SMARCA1: variants seen among roughly 807,000 people sequenced by gnomAD.
SMARCA1 encodes the protein SWI/SNF-related matrix-associated actin-dependent regulator of chromatin subfamily A member 1.
SMARCA1 carries 17 observed loss-of-function variants against 93.6 expected under a neutral mutation model. That is an observed-to-expected ratio of 0.18 (90% CI 0.12 to 0.27). SMARCA1 has a LOEUF of 0.27. Among genes scored for constraint, SMARCA1 ranks in the 10% least tolerant of loss-of-function variants. The pLI is 1.00. For synonymous variants in SMARCA1, 271 were observed against 271.4 expected (o/e 1.00, Z 0.01); for missense variants, 630 against 819.0 (o/e 0.77, Z 2.82).
chrX:129,510,521 T>G (rs2124331546), intron 6 of SMARCA1, among the ~76,000 whole-genome samples: 2 of 111,730 alleles, frequency 1.8e-5, no homozygotes, highest in East Asian at 5.6e-4. Flanking sequence ...TGAGCTATGA[T>G]CACATCACTG....
At chrX:129,499,905 T>C in intron 9 of SMARCA1, 64 bp from the exon 10 acceptor site, 3 of 522,507 alleles carry the variant, frequency 5.7e-6, no homozygotes, top group Non-Finnish European at 9.4e-6. Flanking sequence ...ATGTATTTCA[T>C]TAACAACATT....
chrX:129,463,169 T>C (rs1932835347), intron 23 of SMARCA1, among the ~76,000 whole-genome samples: 1 of 111,717 alleles, frequency 9.0e-6, no homozygotes, highest in African/African-American at 3.2e-5. Context: ...AAAGGGTATG[T>C]ATATTCTAAA....
chrX:129,452,387 A>C (rs1016568327), intron 23 of SMARCA1, among the ~76,000 whole-genome samples: 1 of 112,540 alleles, frequency 8.9e-6, no homozygotes, highest in Non-Finnish European at 1.9e-5. Flanking sequence ...ACAAGAGGAA[A>C]AGAGGAGATG....
At chrX:129,454,475 C>T (rs1012600066) in intron 23 of SMARCA1, among the ~76,000 whole-genome samples, 51 of 111,546 alleles carry the variant, frequency 4.6e-4, no homozygotes, top group Admixed American at 2.9e-3. Flanking sequence ...TTCTACACAG[C>T]AAAAGAAACT....
At chrX:129,494,390 G>A (rs972160537) in intron 12 of SMARCA1, among the ~76,000 whole-genome samples, 2 of 111,568 alleles carry the variant, frequency 1.8e-5, no homozygotes, top group African/African-American at 3.3e-5. Flanking sequence ...TATAGCACAC[G>A]GAATAGTGTA....
At chrX:129,486,835 T>TGATGAC (rs749662735) in intron 17 of SMARCA1, among the ~76,000 whole-genome samples, 183 bp downstream of exon 17, 4,610 of 109,860 alleles carry the variant, frequency 0.042, 246 homozygotes, top group African/African-American at 0.13. Context: ...ATGATGATGA[T>TGATGAC]GACGACGACG....
intron 19 of SMARCA1, among the ~76,000 whole-genome samples, chrX:129,478,479 C>T (rs12853276): frequency 0.097 from 10,747 of 111,193 alleles, 503 homozygotes; most frequent in East Asian, 0.35. Context: ...TCATCCCTTT[C>T]CTCTATTCTT....
intron 23 of SMARCA1, among the ~76,000 whole-genome samples, chrX:129,455,167 G>T (rs185456613): frequency 9.1e-4 from 102 of 111,594 alleles, no homozygotes; most frequent in African/African-American, 2.9e-3. Context: ...TATGTTTATT[G>T]CAGCACTTTT....
At chrX:129,475,195 C>T (rs908332202) in intron 19 of SMARCA1, among the ~76,000 whole-genome samples, 1 of 107,998 alleles carries the variant, frequency 9.3e-6, no homozygotes, top group Non-Finnish European at 1.9e-5. Flanking sequence ...ATTAAGCTTC[C>T]TGGAATGATT....
intron 16 of SMARCA1, 116 bp downstream of exon 16, chrX:129,488,821 G>A: frequency 2.1e-6 from 1 of 466,654 alleles, no homozygotes; most frequent in African/African-American, 2.4e-5. Context: ...GAGAATATGA[G>A]CTACCTGAAA....
rs199928479 is a variant in SMARCA1, at chrX:129,467,655, GA to G, written c.2698+1117del. On this transcript the variant is annotated intron_variant, in intron 21 of 24. Coordinates refer to ENST00000371121, the MANE Select transcript of SMARCA1 (RefSeq NM_001282874.2). Reference sequence around the variant, plus strand: ...AGAAGACTCTTTTAGATTTCCAGAAGAAAAAAAAATCTCTCTAATTAAATCT... The same window carrying G: ...AGAAGACTCTTTTAGATTTCCAGAAGAAAAAAAATCTCTCTAATTAAATCT... Among the ~76,000 whole-genome samples, 9 of 107,999 alleles carry G rather than the reference GA, an allele frequency of 8.3e-5. No homozygotes were observed. The East Asian group carries it at 1.2e-3, about 14-fold the overall frequency. The allele number at this position is 107,999 out of a possible 115,157, so 93.8% of individuals were successfully genotyped here. A position where few individuals can be genotyped will look rare whatever the true frequency, so the allele number is the denominator to read the frequency against.
rs1720270918 is a variant in SMARCA1 at position 129,507,929 on chromosome X, T to C, written c.966+12A>G. On this transcript the variant is annotated intron_variant, in intron 7 of 24. Coordinates refer to ENST00000371121, the MANE Select transcript of SMARCA1 (RefSeq NM_001282874.2). ...TTAAATGTAAACTTTAATAAAGATA[T>C]TGATAACTTACCTTAGATTTTTCAT... The C allele has an allele frequency of 3.7e-6, 4 of 1,071,494 alleles. No individual in the cohort carries two copies. The South Asian group carries it at 6.6e-5, about 18-fold the overall frequency. The allele number at this position is 1,071,494 out of a possible 1,213,427, so 88.3% of individuals were successfully genotyped here.
chrX:129,509,938 C>A (rs1023989315), intron 6 of SMARCA1, among the ~76,000 whole-genome samples: 9 of 111,917 alleles, frequency 8.0e-5, no homozygotes, highest in Admixed American at 7.6e-4. Context: ...TAAAATATTA[C>A]CTTCATAAAA....
At position 129,480,692 on chromosome X, in the gene SMARCA1, A is replaced by G. The variant is rs765629519; in HGVS notation, c.2442+9T>C. 2 of 904,046 alleles carry G rather than the reference A, an allele frequency of 2.2e-6. No homozygotes were observed. Among genetic ancestry groups the G allele is most frequent in the Non-Finnish European group, 3.0e-6 (2 of 673,176 alleles). The allele number at this position is 904,046 out of a possible 1,213,427, so 74.5% of individuals were successfully genotyped here. On this transcript the variant is annotated intron_variant, in intron 19 of 24. Coordinates refer to ENST00000371121, the MANE Select transcript of SMARCA1 (RefSeq NM_001282874.2). ...ATATTATATTAATCTTAAAAAATGGAAAAAATACCTTATAGCCTATTGTCT... is the reference window on the plus strand; with the variant it reads ...ATATTATATTAATCTTAAAAAATGGGAAAAATACCTTATAGCCTATTGTCT...
At chrX:129,468,494 C>T (rs1028708043) in intron 21 of SMARCA1, among the ~76,000 whole-genome samples, 13 of 111,995 alleles carry the variant, frequency 1.2e-4, no homozygotes, top group African/African-American at 3.9e-4. Context: ...AGGTGGGAAA[C>T]TAATTTTGTC....
intron 9 of SMARCA1, among the ~76,000 whole-genome samples, chrX:129,503,839 T>G (rs1221753191): frequency 5.4e-5 from 5 of 91,939 alleles, no homozygotes; most frequent in South Asian, 5.3e-4. Context: ...GCACGTGCCT[T>G]TAGTCCCAGC....
Position 129,482,046 on chromosome X carries a change from T to C in SMARCA1, c.2218-861A>G, listed in dbSNP as rs756515155. ...GTCCTTTGTAGGGACATGGATGAAA[T>C]TGGAAATCATCATTCTCAGTAAACT... On this transcript the variant is annotated intron_variant, in intron 17 of 24. Transcript: ENST00000371121. 2.2e-3 allele frequency among the ~76,000 whole-genome samples: 209 copies of C among 94,775 alleles called. 1 individual carries two copies. Among genetic ancestry groups the C allele is most frequent in the Non-Finnish European group, 3.0e-3 (145 of 47,612 alleles). 82.3% of individuals were successfully genotyped at this position (94,775 alleles called of 115,157 possible). A position where few individuals can be genotyped will look rare whatever the true frequency, so the allele number is the denominator to read the frequency against.
In SMARCA1 at chrX:129,480,715, T is replaced by A; in HGVS notation, c.2428A>T (p.Thr810Ser). ...GGAAAAAATACCTTATAGCCTATTG[T>A]CTTCCGATAATAAAGAATTTCCTTT... ...LEKEILYYRKTIGYKVPRNPD... is the reference protein window; with the variant it reads ...LEKEILYYRKSIGYKVPRNPD... The change falls in exon 19 of 25, where the codon ACA (threonine) becomes TCA (serine). Residue 810 changes from threonine to serine, a missense_variant. By Grantham distance (58) the Thr-to-Ser change is moderately conservative (BLOSUM62 1). Transcript: ENST00000371121. 1 of 1,085,593 alleles carries A rather than the reference T, an allele frequency of 9.2e-7. No individual in the cohort carries two copies. The highest frequency in any genetic ancestry group is 1.2e-6 in the Non-Finnish European group (1 of 820,702). 89.5% of individuals were successfully genotyped at this position (1,085,593 alleles called of 1,213,427 possible). A position where few individuals can be genotyped will look rare whatever the true frequency, so the allele number is the denominator to read the frequency against.
intron 23 of SMARCA1, among the ~76,000 whole-genome samples, chrX:129,455,455 G>C (rs758901315): frequency 2.1e-3 from 230 of 108,378 alleles, no homozygotes; most frequent in South Asian, 0.012. Context: ...GGGCCTGTTG[G>C]GGGGGTGGGG....
Sources: gnomAD v4.1 joint callset for allele counts (sites outside exome capture counted in the v4.1 genomes callset) on GRCh38, gnomAD v4.1.1 for gene constraint, MANE v1.5 for transcripts, NCBI Gene and HGNC (gene_info 2026-07-23, HGNC 2026-07-21) for gene names.